MYT1L: variants seen among roughly 807,000 people sequenced by gnomAD.
MYT1L encodes myelin transcription factor 1 like.
A neutral mutation model predicts 126.7 loss-of-function variants in MYT1L; 12 were observed. The observed-to-expected ratio is 0.09, with a 90% CI of 0.06 to 0.15. The LOEUF (loss-of-function observed/expected upper bound fraction) is 0.15. Among genes scored for constraint, MYT1L ranks in the 10% least tolerant of loss-of-function variants. The probability of loss-of-function intolerance (pLI) is 1.00; values close to 1 mark genes in which losing one functional copy is unlikely to be tolerated. For missense variants in MYT1L, 979 were observed against 1,585.2 expected (o/e 0.62, Z 6.49); for synonymous variants, 541 against 604.2 (o/e 0.90, Z 1.53).
At chr2:2,139,348 G>A (rs2083585256) in intron 3 of MYT1L, among the ~76,000 whole-genome samples, 1 of 152,022 alleles carries the variant, frequency 6.6e-6, no homozygotes, top group Non-Finnish European at 1.5e-5. Context: ...GGCCAGGCGT[G>A]GTGGCTCACA....
chr2:2,002,975 G>A (rs550115507), intron 4 of MYT1L, among the ~76,000 whole-genome samples: 16 of 152,220 alleles, frequency 1.1e-4, no homozygotes, highest in South Asian at 1.0e-3. Context: ...ATGTTAAAGC[G>A]TGAGTTGATT....
chr2:1,977,153 C>T (rs2060248673), intron 8 of MYT1L, among the ~76,000 whole-genome samples: 1 of 152,138 alleles, frequency 6.6e-6, no homozygotes, highest in Non-Finnish European at 1.5e-5. Context: ...TTATTGGAAA[C>T]AGCTCTTGGC....
chr2:2,008,378 G>A (rs905913533), intron 4 of MYT1L, among the ~76,000 whole-genome samples: 2 of 152,250 alleles, frequency 1.3e-5, no homozygotes, highest in African/African-American at 4.8e-5. Context: ...CAGTGGGCAG[G>A]AAGAACAGGC....
chr2:2,243,272 C>T (rs1484639406), intron 2 of MYT1L, among the ~76,000 whole-genome samples: 2 of 152,120 alleles, frequency 1.3e-5, no homozygotes, highest in Non-Finnish European at 2.9e-5. Context: ...ATTTTAAAAG[C>T]CCTAAGAAAG....
Position 2,323,321 on chromosome 2 carries a change from GA to G in MYT1L, c.-521+7645del, listed in dbSNP as rs564325833. Among the ~76,000 whole-genome samples the G allele has an allele frequency of 7.2e-5, 11 of 151,850 alleles. No homozygotes were observed. The East Asian group carries it at 1.5e-3, about 21-fold the overall frequency. On this transcript the variant is annotated intron_variant, in intron 1 of 24. Coordinates refer to ENST00000647738, the MANE Select transcript of MYT1L (RefSeq NM_001303052.2). ...ACAGCTAAAGTAAAGCAACTCTTTA[GA>G]AAAAAAGCTTAAAATGAAAGCAAAA...
intron 3 of MYT1L, among the ~76,000 whole-genome samples, chr2:2,146,949 C>A (rs1043450034): frequency 1.3e-5 from 2 of 152,184 alleles, no homozygotes; most frequent in Admixed American, 6.5e-5. Flanking sequence ...GGAAAGGGGT[C>A]TGGAGTATTT....
At chr2:2,236,431 A>T (rs111161815) in intron 2 of MYT1L, among the ~76,000 whole-genome samples, 59,120 of 108,258 alleles carry the variant, frequency 0.55, 17,039 homozygotes, top group East Asian at 0.81. Flanking sequence ...GCCCAGTACA[A>T]CCCAACCCAG....
At chr2:1,898,363 G>A (rs548292023) in intron 14 of MYT1L, among the ~76,000 whole-genome samples, 1 of 152,288 alleles carries the variant, frequency 6.6e-6, no homozygotes, top group East Asian at 1.9e-4. Flanking sequence ...CAAGTAAGTT[G>A]AAATACGGAC....
At chr2:2,199,025 G>A (rs1018990239) in intron 2 of MYT1L, among the ~76,000 whole-genome samples, 1 of 152,054 alleles carries the variant, frequency 6.6e-6, no homozygotes, top group Non-Finnish European at 1.5e-5. Context: ...TAGACCAAAG[G>A]AGTGAAAGGT....
chr2:1,904,525 C>T (rs1167469236), intron 13 of MYT1L, among the ~76,000 whole-genome samples: 1 of 150,770 alleles, frequency 6.6e-6, no homozygotes, highest in East Asian at 2.0e-4. Flanking sequence ...TGCACCACCA[C>T]ACCTGGCTAA....
intron 3 of MYT1L, among the ~76,000 whole-genome samples, chr2:2,168,199 A>G (rs1289156420): frequency 6.6e-6 from 1 of 152,188 alleles, no homozygotes; most frequent in Non-Finnish European, 1.5e-5. Flanking sequence ...AGGAGGAGGA[A>G]GCACAGGCAT....
At chr2:2,274,081 T>G (rs2095314960) in intron 2 of MYT1L, among the ~76,000 whole-genome samples, 1 of 152,074 alleles carries the variant, frequency 6.6e-6, no homozygotes, top group South Asian at 2.1e-4. Context: ...AGGAAAGGCA[T>G]CATAGAGAAA....
chr2:2,103,990 C>T (rs755600522), intron 3 of MYT1L, among the ~76,000 whole-genome samples: 1 of 152,232 alleles, frequency 6.6e-6, no homozygotes. Flanking sequence ...TCTGAGCCAC[C>T]TTTCTCTATC....
rs11411775 is a variant in MYT1L at position 1,887,167 on chromosome 2, TAA to T, written c.2642+319_2642+320del. 5.9e-5 allele frequency: 22 copies of T among 375,922 alleles called. No homozygotes were observed. The highest frequency in any genetic ancestry group is 1.1e-4 in the South Asian group (1 of 9,190). 23.3% of individuals were successfully genotyped at this position (375,922 alleles called of 1,614,324 possible). A position where few individuals can be genotyped will look rare whatever the true frequency, so the allele number is the denominator to read the frequency against. Reference sequence around the variant, plus strand: ...AAACAGCCAAAATAGTAAGTATGTTTAAAAAAAAAAAAAACTTTTAAAAAAGT... The same window carrying T: ...AAACAGCCAAAATAGTAAGTATGTTTAAAAAAAAAAAACTTTTAAAAAAGT... On this transcript the variant is annotated intron_variant, in intron 17 of 24. Transcript: ENST00000647738. The surrounding 1 kb of genome is among the most constrained non-coding windows in gnomAD (Gnocchi z 4.8).
intron 8 of MYT1L, among the ~76,000 whole-genome samples, chr2:1,952,728 C>CTCCTTCCTTTCCTTCCCTTCT (rs2057900511): frequency 3.0e-5 from 1 of 33,636 alleles, no homozygotes; most frequent in African/African-American, 1.3e-4. Context: ...CCTTCCTTCC[C>CTCCTTCCTTTCCTTCCCTTCT]TTCCCTCCTT....
At chr2:2,237,345 C>A (rs2094345204) in intron 2 of MYT1L, among the ~76,000 whole-genome samples, 1 of 152,096 alleles carries the variant, frequency 6.6e-6, no homozygotes, top group South Asian at 2.1e-4. Context: ...AACATCTTTA[C>A]CTTGCACAAG....
intron 9 of MYT1L, among the ~76,000 whole-genome samples, chr2:1,927,671 AG>A: frequency 6.6e-6 from 1 of 152,336 alleles, no homozygotes; most frequent in African/African-American, 2.4e-5. Context: ...AAGCCACAGG[AG>A]GGGACTGTAC....
intron 18 of MYT1L, among the ~76,000 whole-genome samples, chr2:1,869,337 C>T (rs1181002824): frequency 2.0e-5 from 3 of 152,244 alleles, no homozygotes; most frequent in African/African-American, 2.4e-5. Context: ...ATGGCGCAGC[C>T]GGTTGGGAAG....
At chr2:1,987,449 G>A (rs1056650394) in intron 5 of MYT1L, among the ~76,000 whole-genome samples, 24 of 152,116 alleles carry the variant, frequency 1.6e-4, no homozygotes, top group South Asian at 1.5e-3. Context: ...GGGGCAGCCA[G>A]TGTTCCCATG....
Sources: allele counts gnomAD v4.1 joint callset (sites outside exome capture counted in the v4.1 genomes callset), GRCh38; gene constraint gnomAD v4.1.1; non-coding constraint Gnocchi (gnomAD v3.1); transcripts MANE v1.5; gene names NCBI Gene and HGNC (gene_info 2026-07-23, HGNC 2026-07-21).